SLC35F1: variants seen among roughly 807,000 people sequenced by gnomAD.
SLC35F1 encodes the protein chromosome 6 open reading frame 169.
In SLC35F1, 14 loss-of-function variants were observed where a neutral mutation model predicts 48.7. The ratio of observed to expected loss-of-function variants is 0.29; its 90% confidence interval spans 0.19 to 0.45. The LOEUF (loss-of-function observed/expected upper bound fraction) is 0.45, where lower values mean the gene tolerates loss of function less well. Ranked by LOEUF, SLC35F1 falls within the 20% of genes least tolerant of loss-of-function variation. The pLI is 1.00. For missense variants in SLC35F1, 404 were observed against 500.0 expected, an observed-to-expected ratio of 0.81 and a Z score of 1.83; for synonymous variants, 190 against 202.2, an observed-to-expected ratio of 0.94 and a Z score of 0.51.
intron 1 of SLC35F1, among the ~76,000 whole-genome samples, chr6:118,004,636 A>T (rs1777150116): frequency 6.6e-6 from 1 of 152,130 alleles, no homozygotes; most frequent in Admixed American, 6.5e-5. Flanking sequence ...ATCATAGCTC[A>T]CTGCAGCCTC....
At chr6:118,195,398 G>A (rs1374736760) in intron 2 of SLC35F1, among the ~76,000 whole-genome samples, 1 of 152,098 alleles carries the variant, frequency 6.6e-6, no homozygotes, top group Non-Finnish European at 1.5e-5. Context: ...TCCTCCCTGG[G>A]TCTAATGTAT....
At chr6:118,056,541 A>G (rs1433228946) in intron 1 of SLC35F1, among the ~76,000 whole-genome samples, 1 of 152,196 alleles carries the variant, frequency 6.6e-6, no homozygotes, top group East Asian at 1.9e-4. Flanking sequence ...ATATTCAGCC[A>G]ACACCAAATC....
chr6:117,910,958 G>A (rs1052929420), intron 1 of SLC35F1, among the ~76,000 whole-genome samples: 1 of 152,206 alleles, frequency 6.6e-6, no homozygotes, highest in African/African-American at 2.4e-5. Flanking sequence ...AGCTTAGAAT[G>A]AAATATAGTG....
chr6:117,977,645 C>T (rs1776722489), intron 1 of SLC35F1, among the ~76,000 whole-genome samples: 1 of 151,946 alleles, frequency 6.6e-6, no homozygotes, highest in Non-Finnish European at 1.5e-5. Context: ...TAGTGTAAGA[C>T]TAATATATCT....
intron 1 of SLC35F1, among the ~76,000 whole-genome samples, chr6:118,048,079 T>G (rs1290372370): frequency 6.6e-6 from 1 of 152,050 alleles, no homozygotes; most frequent in Non-Finnish European, 1.5e-5. Flanking sequence ...TTATTGAGAG[T>G]TTTTAGCATG....
In SLC35F1 at chr6:118,217,321, G is replaced by C. The variant is rs192819494; in HGVS notation, c.350-18188G>C. Among the ~76,000 whole-genome samples the C allele has an allele frequency of 4.6e-5, 7 of 152,266 alleles. No homozygotes were observed. The East Asian group carries it at 1.3e-3, about 29-fold the overall frequency. On this transcript the variant is annotated intron_variant, in intron 2 of 7. Transcript: ENST00000360388. ...CAGCCTTAAAAAGAAATGAAATTCT[G>C]ATACATGTTGCAACATGAGTGAACC...
At chr6:118,227,468 G>C (rs1291250628) in intron 2 of SLC35F1, among the ~76,000 whole-genome samples, 1 of 152,188 alleles carries the variant, frequency 6.6e-6, no homozygotes, top group African/African-American at 2.4e-5. Context: ...TGGGACAAAA[G>C]TGTTGGTTTG....
At chr6:118,205,669 G>A (rs1323371433) in intron 2 of SLC35F1, among the ~76,000 whole-genome samples, 2 of 152,000 alleles carry the variant, frequency 1.3e-5, no homozygotes, top group South Asian at 2.1e-4. Flanking sequence ...TTGAAAGCAG[G>A]GACTCAAACA....
At position 118,062,182 on chromosome 6, in the gene SLC35F1, A is replaced by G. The variant is rs191457762; in HGVS notation, c.174-92263A>G. Among the ~76,000 whole-genome samples, 12 of 152,286 alleles carry G rather than the reference A, an allele frequency of 7.9e-5. 1 individual carries two copies. The highest frequency in any genetic ancestry group is 2.9e-4 in the African/African-American group (12 of 41,566). On this transcript the variant is annotated intron_variant, in intron 1 of 7. Coordinates refer to ENST00000360388, the MANE Select transcript of SLC35F1 (RefSeq NM_001029858.4). ...TCTGTCATTCTGGGAAGGTGCCAAAACTTCAATTAGAATAAATTTAATGTT... is the reference window on the plus strand; with the variant it reads ...TCTGTCATTCTGGGAAGGTGCCAAAGCTTCAATTAGAATAAATTTAATGTT...
At chr6:118,285,611 T>C (rs1328085853) in intron 7 of SLC35F1, among the ~76,000 whole-genome samples, 1 of 152,220 alleles carries the variant, frequency 6.6e-6, no homozygotes, top group Non-Finnish European at 1.5e-5. Flanking sequence ...GCTTTCCTGA[T>C]AGCATTCAGC....
intron 1 of SLC35F1, among the ~76,000 whole-genome samples, chr6:118,095,063 C>T (rs1199846022): frequency 3.3e-5 from 5 of 151,814 alleles, no homozygotes; most frequent in Non-Finnish European, 7.4e-5. Context: ...ACCCAGGAGG[C>T]GGAGGCTGCA....
intron 1 of SLC35F1, among the ~76,000 whole-genome samples, chr6:117,977,674 G>A (rs1006968003): frequency 1.3e-5 from 2 of 151,824 alleles, no homozygotes; most frequent in African/African-American, 2.4e-5. Context: ...TATATCTGGG[G>A]TATTTCTAGG....
At chr6:118,147,800 A>G (rs1773997698) in intron 1 of SLC35F1, among the ~76,000 whole-genome samples, 1 of 152,198 alleles carries the variant, frequency 6.6e-6, no homozygotes, top group African/African-American at 2.4e-5. Flanking sequence ...CTTGCGTCTT[A>G]CTTGGTTTCT....
At chr6:118,188,906 T>C (rs566561395) in intron 2 of SLC35F1, among the ~76,000 whole-genome samples, 3 of 152,122 alleles carry the variant, frequency 2.0e-5, no homozygotes, top group African/African-American at 4.8e-5. Context: ...CCTGCACTGA[T>C]TGACATTTTT....
chr6:118,178,652 C>T (rs990121215), intron 2 of SLC35F1, among the ~76,000 whole-genome samples: 3 of 152,026 alleles, frequency 2.0e-5, no homozygotes, highest in Admixed American at 6.6e-5. Flanking sequence ...GAAGACCCTG[C>T]TCCTACCCAG....
At chr6:117,946,350 C>G (rs1776295031) in intron 1 of SLC35F1, among the ~76,000 whole-genome samples, 1 of 152,260 alleles carries the variant, frequency 6.6e-6, no homozygotes, top group Non-Finnish European at 1.5e-5. Context: ...ATAATTCTCA[C>G]AACAATTCTA....
chr6:118,088,623 A>T (rs984278094), intron 1 of SLC35F1, among the ~76,000 whole-genome samples: 1 of 152,182 alleles, frequency 6.6e-6, no homozygotes, highest in African/African-American at 2.4e-5. Flanking sequence ...AATAAATAGG[A>T]CGTCTTAAAA....
At chr6:118,077,431 A>G (rs1426482215) in intron 1 of SLC35F1, among the ~76,000 whole-genome samples, 1 of 152,250 alleles carries the variant, frequency 6.6e-6, no homozygotes, top group African/African-American at 2.4e-5. Flanking sequence ...GAGACAGGGA[A>G]ATACCCTTTG....
chr6:118,273,115 C>G (rs1775878199), intron 4 of SLC35F1, among the ~76,000 whole-genome samples: 1 of 151,488 alleles, frequency 6.6e-6, no homozygotes, highest in Non-Finnish European at 1.5e-5. Context: ...TACTTGTGAA[C>G]TTGTGGTTAC....
Sources: gnomAD v4.1 joint callset for allele counts (sites outside exome capture counted in the v4.1 genomes callset) on GRCh38, gnomAD v4.1.1 for gene constraint, MANE v1.5 for transcripts, NCBI Gene and HGNC (gene_info 2026-07-23, HGNC 2026-07-21) for gene names.